EIF4G3: variants seen among roughly 807,000 people sequenced by gnomAD.
EIF4G3 encodes the protein eukaryotic translation initiation factor 4 gamma 3.
EIF4G3 carries 34 observed loss-of-function variants against 186.4 expected under a neutral mutation model. The ratio of observed to expected loss-of-function variants is 0.18; its 90% confidence interval spans 0.14 to 0.24. EIF4G3 has a LOEUF of 0.24. Among genes scored for constraint, EIF4G3 ranks in the 10% least tolerant of loss-of-function variants. EIF4G3 has a pLI of 1.00. For missense variants in EIF4G3, 1,536 were observed against 1,948.5 expected, an observed-to-expected ratio of 0.79 and a Z score of 3.99; for synonymous variants, 673 against 679.5, an observed-to-expected ratio of 0.99 and a Z score of 0.15.
intron 2 of EIF4G3, among the ~76,000 whole-genome samples, chr1:21,136,926 T>A (rs999224038): frequency 1.3e-5 from 2 of 152,198 alleles, no homozygotes; most frequent in African/African-American, 4.8e-5. Flanking sequence ...GTGTAAAACA[T>A]ACACTGAAGT....
intron 2 of EIF4G3, among the ~76,000 whole-genome samples, chr1:21,094,279 A>C (rs2096289574): frequency 6.6e-6 from 1 of 151,978 alleles, no homozygotes; most frequent in African/African-American, 2.4e-5. Flanking sequence ...CATATACCCA[A>C]AGGATTATAA....
intron 4 of EIF4G3, among the ~76,000 whole-genome samples, chr1:21,020,615 T>A (rs1474905974): frequency 6.6e-6 from 1 of 152,240 alleles, no homozygotes; most frequent in African/African-American, 2.4e-5. Context: ...GATGTCCAAG[T>A]CAGGTCCTAT....
At chr1:20,964,767 C>T (rs189804303) in intron 12 of EIF4G3, among the ~76,000 whole-genome samples, 23 of 152,296 alleles carry the variant, frequency 1.5e-4, no homozygotes, top group African/African-American at 5.5e-4. Flanking sequence ...ATCTCACTGA[C>T]CCAAAACACA....
At chr1:20,829,087 G>T in intron 31 of EIF4G3, 60 bp downstream of exon 31, 1 of 1,566,094 alleles carries the variant, frequency 6.4e-7, no homozygotes, top group Non-Finnish European at 8.8e-7. Flanking sequence ...TAGAGAGCTA[G>T]CAAGTGAGTT....
intron 2 of EIF4G3, among the ~76,000 whole-genome samples, chr1:21,095,411 C>A (rs918934785): frequency 6.6e-6 from 1 of 152,134 alleles, no homozygotes; most frequent in African/African-American, 2.4e-5. Flanking sequence ...ACCTTCTGGG[C>A]TCAAGTGATC....
At chr1:20,882,176 T>TACACACACACACACACAC (rs138208807) in intron 19 of EIF4G3, among the ~76,000 whole-genome samples, 76 of 87,012 alleles carry the variant, frequency 8.7e-4, no homozygotes, top group Admixed American at 3.1e-3. Context: ...AAAGAAAAAT[T>TACACACACACACACACAC]ACACACACAC....
intron 4 of EIF4G3, among the ~76,000 whole-genome samples, chr1:21,038,635 C>T (rs550704950): frequency 5.3e-5 from 8 of 152,284 alleles, no homozygotes; most frequent in African/African-American, 1.4e-4. Flanking sequence ...CAGACCACCT[C>T]CTACTCCACT....
intron 3 of EIF4G3, among the ~76,000 whole-genome samples, chr1:21,080,587 G>A (rs1339912447): frequency 2.0e-5 from 3 of 151,950 alleles, no homozygotes; most frequent in Admixed American, 1.3e-4. Context: ...TCAGCTCACC[G>A]CAACCTCTGC....
At chr1:21,007,528 A>AAAAAAAAAAAG (rs2085516558) in intron 4 of EIF4G3, among the ~76,000 whole-genome samples, 1 of 142,516 alleles carries the variant, frequency 7.0e-6, no homozygotes, top group Non-Finnish European at 1.5e-5. Context: ...AAAAAAAAAA[A>AAAAAAAAAAAG]AAAAAAAAAC....
At chr1:21,111,788 A>G (rs1572718343) in intron 2 of EIF4G3, among the ~76,000 whole-genome samples, 1 of 152,342 alleles carries the variant, frequency 6.6e-6, no homozygotes, top group South Asian at 2.1e-4. Context: ...TTCCTGAAAG[A>G]ATGTCTCTCT....
intron 2 of EIF4G3, among the ~76,000 whole-genome samples, chr1:21,148,705 T>TAAA (rs765374275): frequency 5.5e-5 from 6 of 108,952 alleles, no homozygotes; most frequent in Non-Finnish European, 3.6e-5. Context: ...CTGTCTCATT[T>TAAA]AAAAAAAAAA....
chr1:21,015,051 A>G (rs553271031), intron 4 of EIF4G3, among the ~76,000 whole-genome samples: 2 of 150,284 alleles, frequency 1.3e-5, no homozygotes, highest in South Asian at 4.4e-4. Flanking sequence ...GAGAATATTA[A>G]CAAAGAGATA....
chr1:20,974,546 G>C (rs1038940370), intron 10 of EIF4G3, among the ~76,000 whole-genome samples: 1 of 152,158 alleles, frequency 6.6e-6, no homozygotes, highest in African/African-American at 2.4e-5. Flanking sequence ...AGCCTGATTT[G>C]AGTGGGTTCA....
intron 14 of EIF4G3, among the ~76,000 whole-genome samples, chr1:20,920,616 TAAGAGA>T (rs1162523151): frequency 6.6e-6 from 1 of 152,196 alleles, no homozygotes; most frequent in African/African-American, 2.4e-5. Context: ...GAGAGAATTC[TAAGAGA>T]AAGAGGCTTA....
intron 4 of EIF4G3, among the ~76,000 whole-genome samples, chr1:21,048,108 T>C (rs1257000849): frequency 1.3e-5 from 2 of 152,156 alleles, no homozygotes; most frequent in Non-Finnish European, 2.9e-5. Context: ...AAATGGCATA[T>C]AGAACAGCAC....
chr1:20,839,039 C>T (rs960464993), intron 30 of EIF4G3, among the ~76,000 whole-genome samples: 6 of 151,932 alleles, frequency 3.9e-5, no homozygotes, highest in East Asian at 1.9e-4. Context: ...AGTGCAGTGG[C>T]GCAATTTCAG....
At chr1:20,960,195 G>C (rs879421246) in intron 12 of EIF4G3, among the ~76,000 whole-genome samples, 1 of 152,122 alleles carries the variant, frequency 6.6e-6, no homozygotes, top group African/African-American at 2.4e-5. Context: ...GCCTGGGCAC[G>C]GTGGCTCATG....
chr1:21,130,411 T>C (rs1210379034), intron 2 of EIF4G3, among the ~76,000 whole-genome samples: 1 of 151,794 alleles, frequency 6.6e-6, no homozygotes, highest in Admixed American at 6.6e-5. Context: ...GTTTTTTTAG[T>C]TGAGATGGGG....
At chr1:21,088,077 C>A (rs77588343) in intron 3 of EIF4G3, among the ~76,000 whole-genome samples, 4,391 of 151,810 alleles carry the variant, frequency 0.029, 136 homozygotes, top group East Asian at 0.14. Context: ...GCCTGGGTGA[C>A]AGAGTGAGAC....
Sources: gnomAD v4.1 joint callset for allele counts (sites outside exome capture counted in the v4.1 genomes callset) on GRCh38, gnomAD v4.1.1 for gene constraint, MANE v1.5 for transcripts, NCBI Gene and HGNC (gene_info 2026-07-23, HGNC 2026-07-21) for gene names.